ALDH7A1: variants seen among roughly 807,000 people sequenced by gnomAD.
ALDH7A1 encodes aldehyde dehydrogenase 7 family member A1, also known as alpha-aminoadipic semialdehyde dehydrogenase.
Under a neutral mutation model 79.9 loss-of-function variants are expected in ALDH7A1, and 63 were observed. The ratio of observed to expected loss-of-function variants is 0.79; its 90% CI spans 0.64 to 0.97. ALDH7A1 has a LOEUF of 0.97. Among genes scored for constraint, ALDH7A1 ranks in the 50% least tolerant of loss-of-function variants. ALDH7A1 has a pLI of 0.00. For synonymous variants in ALDH7A1, 240 were observed against 231.2 expected, an observed-to-expected ratio of 1.04 and a Z score of -0.34; for missense variants, 627 against 665.2, an observed-to-expected ratio of 0.94 and a Z score of 0.63.
intron 3 of ALDH7A1, 63 bp from the exon 4 acceptor site, chr5:126,584,075 A>G: frequency 1.5e-6 from 2 of 1,298,434 alleles, no homozygotes; most frequent in Non-Finnish European, 2.2e-6. Context: ...ATAACACAGT[A>G]TTGGATGTGT....
At chr5:126,571,373 G>A (rs1356426745) in intron 7 of ALDH7A1, among the ~76,000 whole-genome samples, 2 of 151,264 alleles carry the variant, frequency 1.3e-5, no homozygotes, top group Non-Finnish European at 2.9e-5. Context: ...ACCTACTCAG[G>A]AGGCTGAGGC....
At chr5:126,561,049 C>G (rs1018526423) in intron 10 of ALDH7A1, 34 bp downstream of exon 10, 1 of 1,611,940 alleles carries the variant, frequency 6.2e-7, no homozygotes, top group Non-Finnish European at 8.5e-7. Context: ...GGAAACTGAA[C>G]AGAAAACAAA....
At chr5:126,581,862 C>A in intron 5 of ALDH7A1, 1 of 254,190 alleles carries the variant, frequency 3.9e-6, no homozygotes, top group Non-Finnish European at 7.4e-6. Context: ...CCTGTAATCC[C>A]AGCTACTCAG....
intron 3 of ALDH7A1, among the ~76,000 whole-genome samples, chr5:126,591,220 G>C (rs1230653076): frequency 6.6e-6 from 1 of 152,194 alleles, no homozygotes. Flanking sequence ...TCTCTATCCA[G>C]GTAGGGTGAA....
chr5:126,558,401 TG>T (rs1750280862), intron 11 of ALDH7A1, among the ~76,000 whole-genome samples: 1 of 152,182 alleles, frequency 6.6e-6, no homozygotes, highest in South Asian at 2.1e-4. Flanking sequence ...TATATATGTA[TG>T]CAGGCTATAT....
At chr5:126,550,147 A>G (rs1455880577) in intron 15 of ALDH7A1, 49 bp downstream of exon 15, 2 of 1,574,882 alleles carry the variant, frequency 1.3e-6, no homozygotes, top group Admixed American at 1.7e-5. Flanking sequence ...AAGTCCACTC[A>G]CCACATAAAT....
chr5:126,578,069 A>T (rs1015836411), intron 5 of ALDH7A1, among the ~76,000 whole-genome samples: 2 of 150,072 alleles, frequency 1.3e-5, no homozygotes, highest in Non-Finnish European at 3.0e-5. Flanking sequence ...TGGACTCCCG[A>T]CTTGAGGTCG....
rs1169072239 is a variant in ALDH7A1, at chr5:126,593,230, A to G, written c.246+121T>C. ...CATTATTCTCTTCATTTGTGATTTT[A>G]TATTATTCTTGACCTGCCTAACTGG... is the stretch of plus-strand genomic sequence containing the variant. On this transcript the variant is annotated intron_variant, in intron 2 of 17. Coordinates refer to ENST00000409134, the MANE Select transcript of ALDH7A1 (RefSeq NM_001182.5). 2.1e-6 allele frequency: 3 copies of G among 1,451,396 alleles called. No individual in the cohort carries two copies. In the African/African-American group the frequency reaches 4.3e-5, roughly 21 times the overall value. 89.9% of individuals were successfully genotyped at this position (1,451,396 alleles called of 1,614,324 possible).
At chr5:126,556,096 C>T (rs746984185) in intron 11 of ALDH7A1, 81 bp from the exon 12 acceptor site, 1 of 850,362 alleles carries the variant, frequency 1.2e-6, no homozygotes, top group South Asian at 1.5e-5. Context: ...TTGATAGTTA[C>T]TGAAATACTG....
rs955670523 is a variant in ALDH7A1 at position 126,542,507 on chromosome 5, A to T, written c.*2458T>A. On this transcript the variant is annotated 3_prime_UTR_variant, in exon 18 of 18. Coordinates refer to ENST00000409134, the MANE Select transcript of ALDH7A1 (RefSeq NM_001182.5). Reference sequence around the variant, plus strand: ...AGTATGACCCAATCTTTACAAAAAAAAATAATAATCAGCTGGGCACAGTGG... The same window carrying T: ...AGTATGACCCAATCTTTACAAAAAATAATAATAATCAGCTGGGCACAGTGG... The T allele has an allele frequency of 2.6e-5, 4 of 152,130 alleles. No individual in the cohort carries two copies. Among genetic ancestry groups the T allele is most frequent in the Admixed American group, 6.6e-5 (1 of 15,246 alleles). The allele number at this position is 152,130 out of a possible 1,614,324, so 9.4% of individuals were successfully genotyped here.
chr5:126,552,688 T>C (rs1241040672), intron 13 of ALDH7A1, among the ~76,000 whole-genome samples: 1 of 152,008 alleles, frequency 6.6e-6, no homozygotes, highest in Non-Finnish European at 1.5e-5. Flanking sequence ...TGAGTCAACA[T>C]GCCCGGCCAC....
chr5:126,568,370 G>A lies in ALDH7A1; in HGVS notation c.774-14C>T, dbSNP rs760350292. 5.6e-6 allele frequency: 9 copies of A among 1,611,878 alleles called. No homozygotes were observed. Among genetic ancestry groups the A allele is most frequent in the Non-Finnish European group, 7.6e-6 (9 of 1,177,976 alleles). The stretch of plus-strand genomic sequence containing the variant: ...GCCATTGCTGTGCTGCAAGGGAACA[G>A]ACACGGTCGGCCACCCAAGCAGAGA... On this transcript the variant is annotated splice_polypyrimidine_tract_variant and intron_variant, in intron 8 of 17. Transcript: ENST00000409134.
chr5:126,567,228 T>G (rs2112780347), intron 9 of ALDH7A1, among the ~76,000 whole-genome samples: 1 of 152,292 alleles, frequency 6.6e-6, no homozygotes, highest in South Asian at 2.1e-4. Flanking sequence ...TTCCAGCCAA[T>G]GGAAACTGGA....
At chr5:126,576,610 G>C (rs1265622238) in intron 6 of ALDH7A1, among the ~76,000 whole-genome samples, 3 of 152,180 alleles carry the variant, frequency 2.0e-5, no homozygotes, top group Non-Finnish European at 4.4e-5. Context: ...AACTGCCTCA[G>C]AATTACTTGG....
intron 3 of ALDH7A1, among the ~76,000 whole-genome samples, chr5:126,585,478 A>C (rs963817103): frequency 6.6e-6 from 1 of 152,108 alleles, no homozygotes; most frequent in Admixed American, 6.6e-5. Flanking sequence ...CTTCTCCCCA[A>C]GTGTATCACT....
intron 3 of ALDH7A1, chr5:126,587,180 A>T (rs960077769): frequency 6.6e-6 from 1 of 152,206 alleles, no homozygotes; most frequent in African/African-American, 2.4e-5. Context: ...ATGAGGACAC[A>T]TGGGGATGCA....
chr5:126,591,462 C>A (rs1232710396), intron 3 of ALDH7A1, among the ~76,000 whole-genome samples: 2 of 151,908 alleles, frequency 1.3e-5, no homozygotes, highest in African/African-American at 4.8e-5. Flanking sequence ...CAACCCCACC[C>A]AACCCCCCTT....
At chr5:126,555,468 G>A in intron 12 of ALDH7A1, 1 of 143,692 alleles carries the variant, frequency 7.0e-6, no homozygotes, top group East Asian at 1.7e-4. Flanking sequence ...GAGCAACAGA[G>A]TGAAACTGTG....
chr5:126,580,746 A>G lies in ALDH7A1; in HGVS notation c.517+2105T>C, dbSNP rs574978123. The stretch of plus-strand genomic sequence containing the variant: ...CTTTAGCATACACTTCTATCCCACC[A>G]TTGCCAATGCAGACATACAGTCACC... On this transcript the variant is annotated intron_variant, in intron 5 of 17. Transcript: ENST00000409134. 1.2e-4 allele frequency among the ~76,000 whole-genome samples: 19 copies of G among 152,194 alleles called. No individual in the cohort carries two copies. The East Asian group carries it at 3.7e-3, about 29-fold the overall frequency.
Sources: allele counts gnomAD v4.1 joint callset (sites outside exome capture counted in the v4.1 genomes callset), GRCh38; gene constraint gnomAD v4.1.1; transcripts MANE v1.5; gene names NCBI Gene and HGNC (gene_info 2026-07-23, HGNC 2026-07-21).